NTM: variants seen among roughly 807,000 people sequenced by gnomAD.
NTM encodes the protein IgLON family member 2.
In NTM, 13 loss-of-function variants were observed where a neutral mutation model predicts 42.1. That is an observed-to-expected ratio of 0.31 (90% confidence interval 0.20 to 0.49). NTM has a LOEUF of 0.49. NTM is among the 20% of genes least tolerant of loss of function. The pLI is 0.99. For synonymous variants in NTM, 187 were observed against 179.2 expected (o/e 1.04, Z -0.35); for missense variants, 373 against 452.8 (o/e 0.82, Z 1.60).
intron 1 of NTM, among the ~76,000 whole-genome samples, chr11:131,779,216 C>A (rs897013387): frequency 6.6e-6 from 1 of 152,172 alleles, no homozygotes; most frequent in East Asian, 1.9e-4. Flanking sequence ...GATTCGAAAC[C>A]TCAGGTGAGA....
chr11:132,129,759 A>G (rs2066493253), intron 2 of NTM, among the ~76,000 whole-genome samples: 1 of 152,218 alleles, frequency 6.6e-6, no homozygotes, highest in Non-Finnish European at 1.5e-5. Flanking sequence ...GGACTGTATT[A>G]GAAAGACCAA....
At chr11:131,977,915 T>C (rs2064655641) in intron 2 of NTM, among the ~76,000 whole-genome samples, 1 of 152,214 alleles carries the variant, frequency 6.6e-6, no homozygotes, top group Non-Finnish European at 1.5e-5. Context: ...AAATCAATTA[T>C]GAGCTGAAGA....
In NTM at chr11:131,972,613, T is replaced by A. The variant is rs78260819; in HGVS notation, c.167+60965T>A. ...GTTTTCATATGTTGGGTTCCTGTAT[T>A]TACATGCTTCTTTTTCTGTGTTTCT... On this transcript the variant is annotated intron_variant, in intron 2 of 8. Coordinates refer to ENST00000683400, the MANE Select transcript of NTM (RefSeq NM_001352005.2). Among the ~76,000 whole-genome samples, 1,516 of 152,256 alleles carry A rather than the reference T, an allele frequency of 1.0e-2. 25 individuals are homozygous for A. Among genetic ancestry groups the A allele is most frequent in the African/African-American group, 0.033 (1,389 of 41,530 alleles).
intron 1 of NTM, among the ~76,000 whole-genome samples, chr11:131,553,170 G>T (rs1377029386): frequency 6.6e-6 from 1 of 152,140 alleles, no homozygotes; most frequent in Non-Finnish European, 1.5e-5. Context: ...TGGGGAAGGG[G>T]CAGGAGAGGC....
intron 1 of NTM, among the ~76,000 whole-genome samples, chr11:131,382,951 T>C (rs1483196106): frequency 6.6e-6 from 1 of 152,220 alleles, no homozygotes; most frequent in Admixed American, 6.5e-5. Context: ...TGGCTCATTT[T>C]GAGGCTGTAT....
intron 3 of NTM, among the ~76,000 whole-genome samples, chr11:132,158,733 C>G (rs1229733625): frequency 3.3e-5 from 5 of 152,256 alleles, no homozygotes; most frequent in African/African-American, 9.6e-5. Context: ...ATGAACTTCT[C>G]TGTTACTTCT....
intron 1 of NTM, among the ~76,000 whole-genome samples, chr11:131,849,253 A>C (rs55655144): frequency 0.079 from 12,074 of 152,246 alleles, 673 homozygotes; most frequent in Middle Eastern, 0.13. Flanking sequence ...ATATTAGGCC[A>C]TTTTTGCATT....
At chr11:131,907,499 CAT>C (rs1350319310) in intron 1 of NTM, among the ~76,000 whole-genome samples, 1 of 152,126 alleles carries the variant, frequency 6.6e-6, no homozygotes, top group African/African-American at 2.4e-5. Flanking sequence ...TATGTGTGTA[CAT>C]GTTTGTGAGC....
chr11:132,095,422 T>A (rs1436164099), intron 2 of NTM, among the ~76,000 whole-genome samples: 1 of 151,924 alleles, frequency 6.6e-6, no homozygotes, highest in African/African-American at 2.4e-5. Flanking sequence ...CTCTTCCGCA[T>A]CATTTGTGGC....
chr11:131,635,305 T>C (rs899666085), intron 1 of NTM, among the ~76,000 whole-genome samples: 4 of 152,182 alleles, frequency 2.6e-5, no homozygotes, highest in Non-Finnish European at 5.9e-5. Flanking sequence ...TGCGTGTTAC[T>C]GCCCCTGAAA....
chr11:132,294,419 G>A (rs574711313), intron 4 of NTM, among the ~76,000 whole-genome samples: 10 of 152,112 alleles, frequency 6.6e-5, no homozygotes, highest in South Asian at 4.2e-4. Flanking sequence ...GTGGAAATTC[G>A]TCTTCTGAAG....
At chr11:131,887,006 G>C (rs1273102602) in intron 1 of NTM, among the ~76,000 whole-genome samples, 1 of 152,174 alleles carries the variant, frequency 6.6e-6, no homozygotes, top group Non-Finnish European at 1.5e-5. Context: ...TAGGCAGCTG[G>C]TAAAACCCCC....
Position 132,052,773 on chromosome 11 carries a change from C to CTGTGTGTGTG in NTM, c.168-93487_168-93478dup, listed in dbSNP as rs5795753. 3.0e-3 allele frequency among the ~76,000 whole-genome samples: 443 copies of CTGTGTGTGTG among 148,370 alleles called. 2 individuals are homozygous for CTGTGTGTGTG. Among genetic ancestry groups the CTGTGTGTGTG allele is most frequent in the African/African-American group, 8.4e-3 (341 of 40,386 alleles). ...TTCACAAACGTATTTTCCAGGCTCACTGTGTGTGTGTGTGTGTGTGTGTGT... is the reference window on the plus strand; with the variant it reads ...TTCACAAACGTATTTTCCAGGCTCACTGTGTGTGTGTGTGTGTGTGTGTGTGTGTGTGTGT... On this transcript the variant is annotated intron_variant, in intron 2 of 8. Transcript: ENST00000683400.
At chr11:131,405,960 T>A (rs1240131752) in intron 1 of NTM, among the ~76,000 whole-genome samples, 1 of 152,176 alleles carries the variant, frequency 6.6e-6, no homozygotes, top group Admixed American at 6.5e-5. Context: ...ATTCCACAAT[T>A]CAACTCTCAG....
intron 2 of NTM, among the ~76,000 whole-genome samples, chr11:132,123,470 C>G (rs1157614760): frequency 6.6e-6 from 1 of 152,194 alleles, no homozygotes; most frequent in Non-Finnish European, 1.5e-5. Context: ...TATGGCATGT[C>G]TGTGTGGTCC....
Position 132,241,540 on chromosome 11 carries a change from A to G in NTM, c.526+29393A>G, listed in dbSNP as rs543328395. Among the ~76,000 whole-genome samples the G allele has an allele frequency of 5.3e-4, 81 of 152,320 alleles. No individual in the cohort carries two copies. The South Asian group carries it at 0.014, about 26-fold the overall frequency. On this transcript the variant is annotated intron_variant, in intron 4 of 8. Coordinates refer to ENST00000683400, the MANE Select transcript of NTM (RefSeq NM_001352005.2). ...TTTCACTGTTGAGCAGGGACATACA[A>G]TCAGAGTAATTCAAAGTCGTAAACA... is the stretch of plus-strand genomic sequence containing the variant.
chr11:131,739,515 G>T (rs1256517114), intron 1 of NTM, among the ~76,000 whole-genome samples: 1 of 152,172 alleles, frequency 6.6e-6, no homozygotes, highest in Non-Finnish European at 1.5e-5. Flanking sequence ...CGGATGGCAA[G>T]CCTCTCCTCA....
chr11:132,309,360 T>C (rs948747609), intron 5 of NTM, among the ~76,000 whole-genome samples: 3 of 152,206 alleles, frequency 2.0e-5, no homozygotes, highest in African/African-American at 4.8e-5. Flanking sequence ...CTGTATATCC[T>C]TCAGGCAATT....
chr11:131,376,712 G>T (rs991864398), intron 1 of NTM, among the ~76,000 whole-genome samples: 2 of 148,788 alleles, frequency 1.3e-5, no homozygotes, highest in African/African-American at 2.5e-5. Context: ...TGCCCTTTGC[G>T]ATAAGAAAAG....
Sources: gnomAD v4.1 joint callset for allele counts (sites outside exome capture counted in the v4.1 genomes callset) on GRCh38, gnomAD v4.1.1 for gene constraint, MANE v1.5 for transcripts, NCBI Gene and HGNC (gene_info 2026-07-23, HGNC 2026-07-21) for gene names.